TTC17: variants seen among roughly 807,000 people sequenced by gnomAD.
The protein encoded by TTC17 is tetratricopeptide repeat domain 17.
Under a neutral mutation model 143.8 loss-of-function variants are expected in TTC17, and 58 were observed. The ratio of observed to expected loss-of-function variants is 0.40; its 90% CI spans 0.33 to 0.50. The LOEUF is 0.50. TTC17 is among the 20% of genes least tolerant of loss of function. The pLI is 0.49. For missense variants in TTC17, 1,273 were observed against 1,392.5 expected (o/e 0.91, Z 1.37); for synonymous variants, 501 against 497.8 (o/e 1.01, Z -0.09).
At chr11:43,419,873 A>G (rs1372716016) in intron 16 of TTC17, among the ~76,000 whole-genome samples, 1 of 152,178 alleles carries the variant, frequency 6.6e-6, no homozygotes, top group African/African-American at 2.4e-5. Context: ...AGCATTTTAA[A>G]TATGCTACTA....
chr11:43,483,801 T>G (rs1948330289), intron 21 of TTC17, among the ~76,000 whole-genome samples: 1 of 152,070 alleles, frequency 6.6e-6, no homozygotes, highest in African/African-American at 2.4e-5. Context: ...TATCACCACT[T>G]CTTTTCAACC....
At chr11:43,378,205 G>A (rs76277039) in intron 1 of TTC17, among the ~76,000 whole-genome samples, 5,836 of 152,138 alleles carry the variant, frequency 0.038, 149 homozygotes, top group Middle Eastern at 0.082. Flanking sequence ...GCCCAGCCTT[G>A]GTTAGGCATT....
At chr11:43,439,618 A>C (rs1337904824) in intron 16 of TTC17, among the ~76,000 whole-genome samples, 1 of 151,644 alleles carries the variant, frequency 6.6e-6, no homozygotes, top group African/African-American at 2.4e-5. Context: ...ATAGGTGCCC[A>C]CCACCACCCC....
At chr11:43,365,863 C>A (rs1856316520) in intron 1 of TTC17, among the ~76,000 whole-genome samples, 1 of 152,178 alleles carries the variant, frequency 6.6e-6, no homozygotes, top group Non-Finnish European at 1.5e-5. Context: ...ATCCTTCCAG[C>A]TTCTGTTCCA....
At chr11:43,445,204 C>T (rs1043691959) in intron 18 of TTC17, among the ~76,000 whole-genome samples, 2 of 152,132 alleles carry the variant, frequency 1.3e-5, no homozygotes, top group African/African-American at 4.8e-5. Context: ...ATTTCATCAA[C>T]TACATTTTTT....
chr11:43,449,793 GATT>G (rs1947621549), intron 19 of TTC17: 3 of 327,946 alleles, frequency 9.1e-6, no homozygotes, highest in Non-Finnish European at 1.7e-5. Context: ...ATCTCTATAA[GATT>G]TACTGTCTAA....
At chr11:43,419,660 G>C (rs1022208744) in intron 16 of TTC17, among the ~76,000 whole-genome samples, 1 of 152,140 alleles carries the variant, frequency 6.6e-6, no homozygotes, top group East Asian at 1.9e-4. Context: ...TTTAAAAAAA[G>C]ATATTCTTAT....
chr11:43,493,919 C>G lies in TTC17; in HGVS notation c.*15C>G, dbSNP rs1307816973. 6.4e-7 allele frequency: 1 copy of G among 1,560,076 alleles called. No individual in the cohort carries two copies. The highest frequency in any genetic ancestry group is 8.7e-7 in the Non-Finnish European group (1 of 1,151,786). On this transcript the variant is annotated 3_prime_UTR_variant, in exon 24 of 24. Coordinates refer to ENST00000039989, the MANE Select transcript of TTC17 (RefSeq NM_018259.6). Reference sequence around the variant, plus strand: ...GCTCTCCTTAGTGCACTTCTTCCTTCTCTCTTTCTCTTTACTCATGCTCTA... The same window carrying G: ...GCTCTCCTTAGTGCACTTCTTCCTTGTCTCTTTCTCTTTACTCATGCTCTA...
At chr11:43,416,214 G>T (rs1946775897) in intron 16 of TTC17, among the ~76,000 whole-genome samples, 1 of 151,736 alleles carries the variant, frequency 6.6e-6, no homozygotes. Flanking sequence ...GCAACACTGT[G>T]GTCTTTTAAA....
chr11:43,411,726 G>A (rs556296438), intron 15 of TTC17, among the ~76,000 whole-genome samples: 12 of 152,182 alleles, frequency 7.9e-5, no homozygotes, highest in African/African-American at 2.4e-4. Context: ...ATAACACTTT[G>A]TTTCCTTATG....
At chr11:43,445,416 C>T (rs113425643) in intron 18 of TTC17, among the ~76,000 whole-genome samples, 2 of 152,116 alleles carry the variant, frequency 1.3e-5, no homozygotes, top group Non-Finnish European at 2.9e-5. Context: ...ATGTTATAAA[C>T]GGTCATCTCT....
chr11:43,364,657 A>G (rs1856258425), intron 1 of TTC17, among the ~76,000 whole-genome samples: 1 of 152,144 alleles, frequency 6.6e-6, no homozygotes, highest in Admixed American at 6.5e-5. Context: ...CCATTTTTTC[A>G]GATATTGTCC....
chr11:43,437,999 A>T (rs990037993), intron 16 of TTC17, among the ~76,000 whole-genome samples: 1 of 152,254 alleles, frequency 6.6e-6, no homozygotes, highest in African/African-American at 2.4e-5. Flanking sequence ...GAATGATTTA[A>T]TCTAAGCCTT....
intron 21 of TTC17, among the ~76,000 whole-genome samples, chr11:43,469,787 C>T (rs985542174): frequency 6.6e-6 from 1 of 152,156 alleles, no homozygotes; most frequent in African/African-American, 2.4e-5. Context: ...GAATGTTACA[C>T]TTAGGATCTG....
intron 10 of TTC17, among the ~76,000 whole-genome samples, chr11:43,402,409 AC>A (rs1407504071): frequency 6.6e-6 from 1 of 152,066 alleles, no homozygotes; most frequent in African/African-American, 2.4e-5. Context: ...ACTTTCTCTC[AC>A]TTTCTGTCGC....
At chr11:43,409,847 CTT>C (rs1435453658) in intron 15 of TTC17, among the ~76,000 whole-genome samples, 2 of 143,912 alleles carry the variant, frequency 1.4e-5, no homozygotes, top group Non-Finnish European at 3.1e-5. Context: ...TTTTTCTTTT[CTT>C]TTTTTTTTTT....
In TTC17 at chr11:43,396,767, A is replaced by G. The variant is rs897169752; in HGVS notation, c.722A>G (p.Glu241Gly). Residue 241 changes from glutamate (E) to glycine (G), a missense_variant, in exon 6 of 24, where the codon GAG (glutamate) becomes GGG (glycine). Glu to Gly is a moderately conservative substitution (Grantham distance 98). Coordinates refer to ENST00000039989, the MANE Select transcript of TTC17 (RefSeq NM_018259.6). ...MASFYWRIKNEPYQVVECAMR... is the reference protein window; with the variant it reads ...MASFYWRIKNGPYQVVECAMR... The stretch of plus-strand genomic sequence containing the variant: ...TCATTTTACTGGAGAATTAAGAATG[A>G]GCCATATCAGGTAGTAGAATGTGCC... The G allele has an allele frequency of 5.0e-6, 8 of 1,611,188 alleles. No individual in the cohort carries two copies. Among genetic ancestry groups the G allele is most frequent in the Non-Finnish European group, 6.8e-6 (8 of 1,177,750 alleles).
intron 16 of TTC17, among the ~76,000 whole-genome samples, chr11:43,421,783 T>C (rs1590393379): frequency 6.6e-6 from 1 of 150,490 alleles, no homozygotes; most frequent in South Asian, 2.1e-4. Flanking sequence ...TATGTTATAA[T>C]GTAATAACGA....
chr11:43,387,294 C>A (rs537116450), intron 2 of TTC17, among the ~76,000 whole-genome samples: 10 of 152,266 alleles, frequency 6.6e-5, no homozygotes, highest in Middle Eastern at 3.4e-3. Context: ...GTGCTGTTCT[C>A]ATGAAGGAAA....
Sources: gnomAD v4.1 joint callset for allele counts (sites outside exome capture counted in the v4.1 genomes callset) on GRCh38, gnomAD v4.1.1 for gene constraint, MANE v1.5 for transcripts, NCBI Gene and HGNC (gene_info 2026-07-23, HGNC 2026-07-21) for gene names.